Variants in MYT1L observed in about 807,000 individuals in gnomAD.
MYT1L encodes myelin transcription factor 1 like, also known as myelin transcription factor 1-like protein.
In MYT1L, 12 loss-of-function variants were observed where a neutral mutation model predicts 126.7. The observed-to-expected ratio is 0.09, with a 90% CI of 0.06 to 0.15. MYT1L has a LOEUF of 0.15. MYT1L is among the 10% of genes least tolerant of loss of function. The pLI, the probability that MYT1L is intolerant of heterozygous loss-of-function variation, is 1.00. For missense variants in MYT1L, 979 were observed against 1,585.2 expected, an observed-to-expected ratio of 0.62 and a Z score of 6.49; for synonymous variants, 541 against 604.2, an observed-to-expected ratio of 0.90 and a Z score of 1.53.
chr2:2,251,953 C>A (rs908190716), intron 2 of MYT1L, among the ~76,000 whole-genome samples: 4 of 151,678 alleles, frequency 2.6e-5, no homozygotes, highest in Admixed American at 6.6e-5. Flanking sequence ...AAAAAGGGAA[C>A]GGCAAGGCAA....
At chr2:2,273,518 T>TTA (rs2095305288) in intron 2 of MYT1L, among the ~76,000 whole-genome samples, 1 of 152,208 alleles carries the variant, frequency 6.6e-6, no homozygotes, top group Non-Finnish European at 1.5e-5. Context: ...TAAGGACCAG[T>TTA]CTTTGGCCTG....
At chr2:2,106,854 C>G (rs1267318915) in intron 3 of MYT1L, among the ~76,000 whole-genome samples, 1 of 152,134 alleles carries the variant, frequency 6.6e-6, no homozygotes, top group African/African-American at 2.4e-5. Flanking sequence ...CAAACCTGTC[C>G]CCAGAGCAGA....
At chr2:1,965,880 G>A (rs2059316533) in intron 8 of MYT1L, among the ~76,000 whole-genome samples, 1 of 152,244 alleles carries the variant, frequency 6.6e-6, no homozygotes, top group East Asian at 1.9e-4. Context: ...CTGGCATGCA[G>A]AGCAACTGCT....
chr2:2,020,628 A>G (rs2064932568), intron 4 of MYT1L, among the ~76,000 whole-genome samples: 1 of 152,174 alleles, frequency 6.6e-6, no homozygotes, highest in African/African-American at 2.4e-5. Context: ...ATCTTTTCAT[A>G]TCATAGTTCC....
chr2:1,881,489 T>C (rs764646656), intron 18 of MYT1L, among the ~76,000 whole-genome samples: 11 of 152,068 alleles, frequency 7.2e-5, no homozygotes, highest in Non-Finnish European at 1.5e-4. Context: ...CTCCTACTCA[T>C]TATGATAAAA....
chr2:2,184,976 T>C (rs1220553825), intron 2 of MYT1L, among the ~76,000 whole-genome samples: 1 of 152,164 alleles, frequency 6.6e-6, no homozygotes, highest in African/African-American at 2.4e-5. Flanking sequence ...GGCCTTTACT[T>C]TTGTCATCTC....
chr2:2,279,564 T>TGAAGGAAGAAAAGGAAG (rs1553619839), intron 2 of MYT1L, among the ~76,000 whole-genome samples: 4 of 121,568 alleles, frequency 3.3e-5, no homozygotes, highest in Non-Finnish European at 5.0e-5. Flanking sequence ...AAGGAATGAA[T>TGAAGGAAGAAAAGGAAG]GAATGAAGGA....
In MYT1L at chr2:1,829,590, C is replaced by T. The variant is rs183393322; in HGVS notation, c.3080+9559G>A. ...CCTCCCATGCACCTGTGAATTGACC[C>T]TCCCATGCACCTGTGAACTGACCCT... is the stretch of plus-strand genomic sequence containing the variant. On this transcript the variant is annotated intron_variant, in intron 21 of 24. Coordinates refer to ENST00000647738, the MANE Select transcript of MYT1L (RefSeq NM_001303052.2). 3.7e-3 allele frequency among the ~76,000 whole-genome samples: 349 copies of T among 94,652 alleles called. 5 individuals carry two copies. The highest frequency in any genetic ancestry group is 0.016 in the African/African-American group (188 of 11,726). The allele number at this position is 94,652 out of a possible 152,430, so 62.1% of individuals were successfully genotyped here.
chr2:1,832,122 C>T (rs954089171), intron 21 of MYT1L, among the ~76,000 whole-genome samples: 7 of 152,136 alleles, frequency 4.6e-5, no homozygotes, highest in Admixed American at 2.0e-4. Context: ...GGAGCTGGGG[C>T]CTCTAAGGGA....
intron 4 of MYT1L, among the ~76,000 whole-genome samples, chr2:2,042,683 G>C (rs909103066): frequency 2.6e-5 from 4 of 152,038 alleles, no homozygotes; most frequent in African/African-American, 7.2e-5. Flanking sequence ...CAATGGTCCC[G>C]GCCTCCCTGT....
rs566774416 is a variant in MYT1L, at chr2:1,961,626, C to T, written c.152+17539G>A. Among the ~76,000 whole-genome samples the T allele has an allele frequency of 1.8e-4, 27 of 152,348 alleles. No homozygotes were observed. In the South Asian group the frequency reaches 5.4e-3, roughly 30 times the overall value. ...AAAAATATGAAAGGACTCCCAGGCT[C>T]TTGCTACACAAACTCTTTTAATAGC... On this transcript the variant is annotated intron_variant, in intron 8 of 24. Transcript: ENST00000647738.
intron 3 of MYT1L, among the ~76,000 whole-genome samples, chr2:2,122,837 ATGTGTGTG>A (rs200951880): frequency 0.014 from 1,922 of 135,560 alleles, 39 homozygotes; most frequent in African/African-American, 0.052. Flanking sequence ...GAGGATAGGA[ATGTGTGTG>A]TGTGTGTGTG....
chr2:2,207,895 C>T lies in MYT1L; in HGVS notation c.-420-34907G>A, dbSNP rs966716929. ...ACACCAGGAACCTGGGCATGATGTG[C>T]GGTGTATTCCAGCCCTGCCCACCCC... On this transcript the variant is annotated intron_variant, in intron 2 of 24. Coordinates refer to ENST00000647738, the MANE Select transcript of MYT1L (RefSeq NM_001303052.2). 4.9e-4 allele frequency among the ~76,000 whole-genome samples: 74 copies of T among 152,170 alleles called. 1 individual carries two copies. The highest frequency in any genetic ancestry group is 1.7e-3 in the Admixed American group (26 of 15,270).
chr2:2,086,104 T>C lies in MYT1L; in HGVS notation c.-303-31981A>G, dbSNP rs545602643. On this transcript the variant is annotated intron_variant, in intron 3 of 24. Transcript: ENST00000647738. ...ATCTCACTTCTTAGGGTCTTCCTGC[T>C]TATAACATGCCTCTGTCTTGATAAA... Among the ~76,000 whole-genome samples, 16 of 152,322 alleles carry C rather than the reference T, an allele frequency of 1.1e-4. 1 individual carries two copies. In the South Asian group the frequency reaches 3.3e-3, roughly 32 times the overall value.
chr2:2,096,101 AAAAG>A (rs2077442206), intron 3 of MYT1L, among the ~76,000 whole-genome samples: 1 of 152,244 alleles, frequency 6.6e-6, no homozygotes, highest in South Asian at 2.1e-4. Context: ...TCTTCATCAC[AAAAG>A]AATGACCACA....
intron 2 of MYT1L, among the ~76,000 whole-genome samples, chr2:2,201,380 G>T (rs563282053): frequency 5.1e-4 from 78 of 152,142 alleles, no homozygotes; most frequent in Admixed American, 7.2e-4. Flanking sequence ...TTCTATTTTT[G>T]TCATTAATGG....
intron 1 of MYT1L, among the ~76,000 whole-genome samples, chr2:2,312,824 T>G (rs561725100): frequency 1.3e-5 from 2 of 152,026 alleles, no homozygotes; most frequent in African/African-American, 2.4e-5. Flanking sequence ...TAGAAGACTA[T>G]TGTAAGCTGG....
chr2:1,936,219 G>A (rs538269795), intron 9 of MYT1L, among the ~76,000 whole-genome samples: 10 of 152,230 alleles, frequency 6.6e-5, no homozygotes, highest in South Asian at 6.2e-4. Flanking sequence ...CACCACACCC[G>A]TCCTCTACCT....
At chr2:2,287,972 C>T (rs2095546911) in intron 1 of MYT1L, among the ~76,000 whole-genome samples, 1 of 152,192 alleles carries the variant, frequency 6.6e-6, no homozygotes, top group Non-Finnish European at 1.5e-5. Context: ...GTGGGGTACA[C>T]ACATCATTCT....
Sources: gnomAD v4.1 joint callset for allele counts (sites outside exome capture counted in the v4.1 genomes callset) on GRCh38, gnomAD v4.1.1 for gene constraint, MANE v1.5 for transcripts, NCBI Gene and HGNC (gene_info 2026-07-23, HGNC 2026-07-21) for gene names.